IPP: variants seen among roughly 807,000 people sequenced by gnomAD.
The protein encoded by IPP is actin-binding protein IPP.
In IPP, 41 loss-of-function variants were observed where a neutral mutation model predicts 64.1. The ratio of observed to expected loss-of-function variants is 0.64; its 90% CI spans 0.50 to 0.83. The LOEUF is 0.83. IPP is among the 40% of genes least tolerant of loss of function. The pLI is 0.00. For synonymous variants in IPP, 214 were observed against 235.2 expected, an observed-to-expected ratio of 0.91 and a Z score of 0.83; for missense variants, 649 against 703.0, an observed-to-expected ratio of 0.92 and a Z score of 0.87.
intron 5 of IPP, among the ~76,000 whole-genome samples, chr1:45,725,934 C>G (rs1331837078): frequency 7.8e-6 from 1 of 128,548 alleles, no homozygotes; most frequent in African/African-American, 2.8e-5. Context: ...CTCAAGTACC[C>G]AGGGACACAA....
rs184467032 is a variant in IPP, at chr1:45,699,219, A to G, written c.*747T>C. ...ATTAAAATAGCTAGATATTTCCCAA[A>G]CACCCCTCCTAGGATATCTGCTGCC... On this transcript the variant is annotated 3_prime_UTR_variant, in exon 9 of 9. Transcript: ENST00000396478. The G allele has an allele frequency of 3.0e-6, 3 of 985,306 alleles. No individual in the cohort carries two copies. In the East Asian group the frequency reaches 3.4e-4, roughly 112 times the overall value. The allele number at this position is 985,306 out of a possible 1,614,324, so 61.0% of individuals were successfully genotyped here.
chr1:45,726,688 A>G (rs1037320192), intron 5 of IPP, among the ~76,000 whole-genome samples: 5 of 151,040 alleles, frequency 3.3e-5, no homozygotes, highest in Non-Finnish European at 2.9e-5. Flanking sequence ...ATTTAAAAAA[A>G]TTCTATCATA....
At chr1:45,742,416 A>T (rs1646079091) in intron 2 of IPP, among the ~76,000 whole-genome samples, 1 of 152,200 alleles carries the variant, frequency 6.6e-6, no homozygotes, top group Admixed American at 6.5e-5. Flanking sequence ...ACAACAAATA[A>T]AGTCTATGCT....
intron 1 of IPP, among the ~76,000 whole-genome samples, chr1:45,747,828 C>T (rs1452412523): frequency 1.2e-5 from 1 of 84,726 alleles, no homozygotes; most frequent in African/African-American, 5.0e-5. Context: ...GAGCAAGACT[C>T]TGTCTCAAAA....
downstream of IPP, chr1:45,698,708 T>A (rs1569935596): frequency 1.4e-6 from 1 of 736,328 alleles, no homozygotes; most frequent in South Asian, 7.1e-5. Flanking sequence ...AAAGGAAGAA[T>A]TTTTTTTTCT....
intron 3 of IPP, among the ~76,000 whole-genome samples, chr1:45,730,274 C>A (rs895268511): frequency 1.3e-5 from 2 of 151,812 alleles, no homozygotes; most frequent in African/African-American, 2.4e-5. Flanking sequence ...ACCACTTGAG[C>A]TCAGGAAGCA....
At chr1:45,698,710 T>A, downstream of IPP, 1 of 745,028 alleles carries the variant, frequency 1.3e-6, no homozygotes, top group Non-Finnish European at 1.5e-6. Flanking sequence ...AGGAAGAATT[T>A]TTTTTTCTTT....
intron 8 of IPP, among the ~76,000 whole-genome samples, chr1:45,706,264 T>C (rs1173263149): frequency 6.6e-6 from 1 of 151,950 alleles, no homozygotes; most frequent in Non-Finnish European, 1.5e-5. Flanking sequence ...ATAAACTAGA[T>C]CTAAAGGAAG....
At chr1:45,697,129 C>T (rs761506262), downstream of IPP, 2 of 152,184 alleles carry the variant, frequency 1.3e-5, no homozygotes, top group African/African-American at 2.4e-5. Flanking sequence ...ACCCTTCAGA[C>T]GTTCAGGATG....
chr1:45,712,853 C>CAAAAAAAAAAAGA (rs1645608110), intron 8 of IPP, among the ~76,000 whole-genome samples: 1 of 77,554 alleles, frequency 1.3e-5, no homozygotes, highest in Non-Finnish European at 2.5e-5. Context: ...GACTCTATCT[C>CAAAAAAAAAAAGA]AAAAAAAAAA....
chr1:45,728,282 G>A (rs957803338), intron 4 of IPP, among the ~76,000 whole-genome samples: 1 of 150,852 alleles, frequency 6.6e-6, no homozygotes, highest in Admixed American at 6.6e-5. Flanking sequence ...TCCTTGTTTT[G>A]ACTACACATC....
At chr1:45,727,134 C>T (rs1442237932) in intron 5 of IPP, among the ~76,000 whole-genome samples, 2 of 152,186 alleles carry the variant, frequency 1.3e-5, no homozygotes, top group African/African-American at 2.4e-5. Context: ...ACTGCAACCT[C>T]TGCCTCCTGG....
chr1:45,730,626 G>A (rs755435842), intron 3 of IPP, among the ~76,000 whole-genome samples: 1 of 152,170 alleles, frequency 6.6e-6, no homozygotes, highest in African/African-American at 2.4e-5. Context: ...GGAGGTAAAC[G>A]GCATGAGAGT....
At chr1:45,734,697 G>T (rs1414401572) in intron 3 of IPP, among the ~76,000 whole-genome samples, 1 of 151,942 alleles carries the variant, frequency 6.6e-6, no homozygotes, top group Non-Finnish European at 1.5e-5. Context: ...TCGGCTCACT[G>T]CAACCTCTGC....
chr1:45,715,881 T>C (rs548068950), intron 7 of IPP, among the ~76,000 whole-genome samples: 1 of 152,312 alleles, frequency 6.6e-6, no homozygotes, highest in African/African-American at 2.4e-5. Flanking sequence ...GACAATATCA[T>C]ATTAAACAGT....
Position 45,729,701 on chromosome 1 carries a change from A to G in IPP, c.793T>C (p.Ser265Pro), listed in dbSNP as rs748135196. The change falls in exon 4 of 9, where the codon TCT becomes CCT. Residue 265 changes from serine (S) to proline (P), a missense_variant. Physicochemically the swap from Ser to Pro is moderately conservative, Grantham distance 74. Transcript: ENST00000396478. ...LLKEYCEVCK[S>P]PKENKFCSFL... is the part of the protein sequence containing the mutation. ...CTACAAAACTTGTTCTCTTTGGGAGATTTGCATACTTCACAGTACTCTTTC... is the reference window on the plus strand; with the variant it reads ...CTACAAAACTTGTTCTCTTTGGGAGGTTTGCATACTTCACAGTACTCTTTC... The G allele has an allele frequency of 1.9e-6, 3 of 1,610,810 alleles. No individual in the cohort carries two copies. In the African/African-American group the frequency reaches 4.0e-5, roughly 21 times the overall value.
chr1:45,744,641 C>G (rs1249371380), intron 2 of IPP, among the ~76,000 whole-genome samples: 1 of 152,070 alleles, frequency 6.6e-6, no homozygotes, highest in Admixed American at 6.6e-5. Context: ...GAGATCGAGA[C>G]CATCCTGGCC....
At chr1:45,737,406 A>T (rs1645995802) in intron 3 of IPP, among the ~76,000 whole-genome samples, 1 of 150,904 alleles carries the variant, frequency 6.6e-6, no homozygotes, top group Admixed American at 6.6e-5. Context: ...GATTTCAATT[A>T]CCCATTAATA....
intron 3 of IPP, among the ~76,000 whole-genome samples, chr1:45,739,275 G>A (rs1311493237): frequency 6.6e-6 from 1 of 152,104 alleles, no homozygotes; most frequent in Non-Finnish European, 1.5e-5. Flanking sequence ...CAGGTCTAAA[G>A]TAGGCTGGAG....
Sources: gnomAD v4.1 joint callset for allele counts (sites outside exome capture counted in the v4.1 genomes callset) on GRCh38, gnomAD v4.1.1 for gene constraint, MANE v1.5 for transcripts, NCBI Gene and HGNC (gene_info 2026-07-23, HGNC 2026-07-21) for gene names.